DNAH12: variants seen among roughly 807,000 people sequenced by gnomAD.
The protein encoded by DNAH12 is axonemal beta dynein heavy chain 12.
A neutral mutation model predicts 371.5 loss-of-function variants in DNAH12; 285 were observed. The ratio of observed to expected loss-of-function variants is 0.77; its 90% CI spans 0.70 to 0.85. The LOEUF is 0.85. DNAH12 is among the 40% of genes least tolerant of loss of function. DNAH12 has a pLI of 0.00. For missense variants in DNAH12, 3,611 were observed against 3,689.4 expected (o/e 0.98, Z 0.55); for synonymous variants, 1,200 against 1,213.0 (o/e 0.99, Z 0.22).
At chr3:57,443,191 C>G (rs1445930924) in intron 29 of DNAH12, among the ~76,000 whole-genome samples, 1 of 152,096 alleles carries the variant, frequency 6.6e-6, no homozygotes, top group Non-Finnish European at 1.5e-5. Context: ...CTCACTGCAA[C>G]CTCCGCCTCC....
intron 8 of DNAH12, among the ~76,000 whole-genome samples, chr3:57,506,721 T>C (rs151306792): frequency 2.6e-5 from 4 of 152,190 alleles, no homozygotes; most frequent in Admixed American, 2.6e-4. Context: ...GTATTAGAGG[T>C]GTGAGACACC....
intron 59 of DNAH12, among the ~76,000 whole-genome samples, chr3:57,356,370 G>A (rs2062799746): frequency 6.6e-6 from 1 of 151,870 alleles, no homozygotes; most frequent in African/African-American, 2.4e-5. Flanking sequence ...CTGAGCCTGG[G>A]AGGTTGAGGC....
At chr3:57,520,319 G>C (rs996125876) in intron 4 of DNAH12, among the ~76,000 whole-genome samples, 1 of 151,238 alleles carries the variant, frequency 6.6e-6, no homozygotes, top group African/African-American at 2.4e-5. Context: ...ATGTTGGCCA[G>C]GCTAGTCTCG....
chr3:57,463,227 T>C (rs1453153367), intron 17 of DNAH12, among the ~76,000 whole-genome samples: 2 of 151,738 alleles, frequency 1.3e-5, no homozygotes, highest in African/African-American at 4.8e-5. Flanking sequence ...TGAGCTAAGA[T>C]TGCAATACTG....
chr3:57,423,549 A>C (rs1166830484), intron 35 of DNAH12, among the ~76,000 whole-genome samples: 1 of 152,170 alleles, frequency 6.6e-6, no homozygotes, highest in East Asian at 1.9e-4. Context: ...TTGGGCAGCA[A>C]ATGGAAGGAA....
At chr3:57,430,191 C>T (rs2064914609) in intron 32 of DNAH12, among the ~76,000 whole-genome samples, 1 of 152,074 alleles carries the variant, frequency 6.6e-6, no homozygotes, top group Non-Finnish European at 1.5e-5. Flanking sequence ...ATACCCAGCT[C>T]ATAGATTTAA....
chr3:57,300,089 A>C (rs1175247337), intron 70 of DNAH12, among the ~76,000 whole-genome samples: 1 of 151,872 alleles, frequency 6.6e-6, no homozygotes, highest in East Asian at 1.9e-4. Context: ...ACCCTACAAA[A>C]CTTCCCTCCA....
At chr3:57,338,672 G>A (rs373945309) in intron 60 of DNAH12, among the ~76,000 whole-genome samples, 65 of 146,140 alleles carry the variant, frequency 4.4e-4, no homozygotes, top group African/African-American at 1.3e-3. Context: ...CGGCCACCCC[G>A]TCTGGGAAGT....
intron 14 of DNAH12, 123 bp downstream of exon 14, chr3:57,472,423 C>G (rs1161148178): frequency 9.4e-6 from 12 of 1,272,682 alleles, no homozygotes. Flanking sequence ...TGGCCAGTCT[C>G]AAACTCATAT....
chr3:57,446,518 G>T lies in DNAH12; in HGVS notation c.3939+19C>A. 2 of 1,513,684 alleles carry T rather than the reference G, an allele frequency of 1.3e-6. No homozygotes were observed. Among genetic ancestry groups the T allele is most frequent in the South Asian group, 2.6e-5 (2 of 77,562 alleles). 93.8% of individuals were successfully genotyped at this position (1,513,684 alleles called of 1,614,324 possible). ...TAAGTTTGAAACATTTAATATTATT[G>T]ATTCAGCAATTTAACTACCTTTCCC... is the stretch of plus-strand genomic sequence containing the variant. On this transcript the variant is annotated intron_variant, in intron 26 of 73. Transcript: ENST00000495027.
rs959867567 is a variant in DNAH12 at position 57,358,833 on chromosome 3, A to G, written c.9361-1485T>C. ...GGAGTCTTGCTCTGTCACCCAGGCT[A>G]GAGTGCAGCGGCATGATCTCAGCTT... is the stretch of plus-strand genomic sequence containing the variant. On this transcript the variant is annotated intron_variant, in intron 58 of 73. Transcript: ENST00000495027. Among the ~76,000 whole-genome samples, 549 of 152,244 alleles carry G rather than the reference A, an allele frequency of 3.6e-3. 5 individuals carry two copies. The highest frequency in any genetic ancestry group is 0.013 in the African/African-American group (524 of 41,554).
rs533740665 is a variant in DNAH12 at position 57,328,807 on chromosome 3, A to C, written c.9979-5188T>G. ...CAGATGACATGATTATATATCTAGA[A>C]AACCCCATTGTCTCAGCCCAAAATC... On this transcript the variant is annotated intron_variant, in intron 62 of 73. Transcript: ENST00000495027. 3.1e-3 allele frequency among the ~76,000 whole-genome samples: 399 copies of C among 130,084 alleles called. 21 individuals carry two copies. The highest frequency in any genetic ancestry group is 5.0e-3 in the Non-Finnish European group (315 of 63,184). 85.3% of individuals were successfully genotyped at this position (130,084 alleles called of 152,430 possible). A position where few individuals can be genotyped will look rare whatever the true frequency, so the allele number is the denominator to read the frequency against.
chr3:57,502,495 A>T lies in DNAH12; in HGVS notation c.1087-16T>A. The T allele has an allele frequency of 6.2e-7, 1 of 1,610,386 alleles. No individual in the cohort carries two copies. The highest frequency in any genetic ancestry group is 8.5e-7 in the Non-Finnish European group (1 of 1,177,012). On this transcript the variant is annotated splice_polypyrimidine_tract_variant and intron_variant, in intron 9 of 73. Transcript: ENST00000495027. ...TTTGGACATTCTAACACAAATAAAA[A>T]TAATAACAATGTATACAATAAATAT... is the stretch of plus-strand genomic sequence containing the variant.
At position 57,523,638 on chromosome 3, in the gene DNAH12, A is replaced by G. The variant is rs2068527034; in HGVS notation, c.253-29T>C. The G allele has an allele frequency of 2.0e-6, 3 of 1,506,750 alleles. No homozygotes were observed. The East Asian group carries it at 7.1e-5, about 36-fold the overall frequency. 93.3% of individuals were successfully genotyped at this position (1,506,750 alleles called of 1,614,324 possible). A position where few individuals can be genotyped will look rare whatever the true frequency, so the allele number is the denominator to read the frequency against. ...TCAAAAACAAACAGGATATAATTAA[A>G]TCAAGGAGAACATTTTAAAATTAAT... On this transcript the variant is annotated intron_variant, in intron 3 of 73. Coordinates refer to ENST00000495027, the MANE Select transcript of DNAH12 (RefSeq NM_001366028.2).
Position 57,461,464 on chromosome 3 carries a change from GAGCTGATT to G in DNAH12, c.2736+17_2736+24del. The G allele has an allele frequency of 6.5e-7, 1 of 1,548,372 alleles. No homozygotes were observed. Among genetic ancestry groups the G allele is most frequent in the Non-Finnish European group, 8.7e-7 (1 of 1,144,686 alleles). On this transcript the variant is annotated intron_variant, in intron 19 of 73. Transcript: ENST00000495027. ...GATTGCAATCCGTATAAATGACCAA[GAGCTGATT>G]ATCACATTTAACATACCTTGATCTC... is the stretch of plus-strand genomic sequence containing the variant.
chr3:57,352,100 C>T lies in DNAH12; in HGVS notation c.9659G>A (p.Cys3220Tyr). The change falls in exon 60 of 74, where the codon TGT (cysteine) becomes TAT (tyrosine). Residue 3220 changes from cysteine (C) to tyrosine (Y), a missense_variant. Around this residue, in one of 3 missense-constraint regions of DNAH12, gnomAD observed 2,266 missense variants for 2,236.9 expected, o/e 1.01. Transcript: ENST00000495027. Reference sequence around the variant, plus strand: ...AGTAACTTACAGAAGAAGATTGGCACATAATAAAAAGGAAAATAACAGCTT... The same window carrying T: ...AGTAACTTACAGAAGAAGATTGGCATATAATAAAAAGGAAAATAACAGCTT... ...KDKLLFSFLL[C>Y]ANLLLARKEI... The T allele has an allele frequency of 6.6e-7, 1 of 1,518,916 alleles. No individual in the cohort carries two copies. Among genetic ancestry groups the T allele is most frequent in the Non-Finnish European group, 8.8e-7 (1 of 1,138,430 alleles). The allele number at this position is 1,518,916 out of a possible 1,614,324, so 94.1% of individuals were successfully genotyped here. A position where few individuals can be genotyped will look rare whatever the true frequency, so the allele number is the denominator to read the frequency against.
chr3:57,530,908 G>T, intron 2 of DNAH12: 1 of 157,778 alleles, frequency 6.3e-6, no homozygotes, highest in South Asian at 1.7e-4. Context: ...CACTTCTTGT[G>T]GGAGGGCTTA....
intron 32 of DNAH12, 47 bp downstream of exon 32, chr3:57,433,320 A>G: frequency 6.6e-7 from 1 of 1,519,968 alleles, no homozygotes; most frequent in Non-Finnish European, 8.8e-7. Context: ...AACACATAAA[A>G]TTGCTTAATC....
intron 65 of DNAH12, among the ~76,000 whole-genome samples, chr3:57,320,204 GTTTCC>G (rs1437024713): frequency 6.6e-6 from 1 of 152,100 alleles, no homozygotes; most frequent in Non-Finnish European, 1.5e-5. Flanking sequence ...CTTTCCACAG[GTTTCC>G]TTTGACTAAA....
Sources: gnomAD v4.1 joint callset for allele counts (sites outside exome capture counted in the v4.1 genomes callset) on GRCh38, gnomAD v4.1.1 for gene constraint, gnomAD v4.1.1 regional missense constraint, MANE v1.5 for transcripts, NCBI Gene and HGNC (gene_info 2026-07-23, HGNC 2026-07-21) for gene names.